COL26A1: variants seen among roughly 807,000 people sequenced by gnomAD.
COL26A1 encodes collagen alpha-1(XXVI) chain.
COL26A1 carries 41 observed loss-of-function variants against 59.3 expected under a neutral mutation model. The ratio of observed to expected loss-of-function variants is 0.69; its 90% CI spans 0.54 to 0.90. The LOEUF (loss-of-function observed/expected upper bound fraction) is 0.90. Ranked by LOEUF, COL26A1 falls within the 40% of genes least tolerant of loss-of-function variation. COL26A1 has a pLI of 0.00. For missense variants in COL26A1, 612 were observed against 602.3 expected, an observed-to-expected ratio of 1.02 and a Z score of -0.17; for synonymous variants, 266 against 256.0, an observed-to-expected ratio of 1.04 and a Z score of -0.37.
chr7:101,392,635 C>T (rs1791760687), intron 1 of COL26A1, among the ~76,000 whole-genome samples: 4 of 152,058 alleles, frequency 2.6e-5, no homozygotes, highest in Middle Eastern at 3.4e-3. Flanking sequence ...CTCCTGACCT[C>T]GAGTGATCCA....
intron 6 of COL26A1, among the ~76,000 whole-genome samples, chr7:101,545,127 T>G (rs776347922): frequency 2.6e-5 from 4 of 152,124 alleles, no homozygotes; most frequent in Non-Finnish European, 4.4e-5. Context: ...TGCCACTAAG[T>G]GTCCCCTCTG....
rs1795671443 is a variant in COL26A1 at position 101,543,979 on chromosome 7, T to G, written c.605-19T>G. ...GGGGGTCCACCATGTTCTGATGCCCTGTCTCCTTCTCTCCCCAGGGCCCCC... is the reference window on the plus strand; with the variant it reads ...GGGGGTCCACCATGTTCTGATGCCCGGTCTCCTTCTCTCCCCAGGGCCCCC... On this transcript the variant is annotated intron_variant, in intron 5 of 12. Coordinates refer to ENST00000313669, the MANE Select transcript of COL26A1 (RefSeq NM_001278563.3). 4 of 1,531,062 alleles carry G rather than the reference T, an allele frequency of 2.6e-6. No homozygotes were observed. In the Admixed American group the frequency reaches 7.9e-5, roughly 30 times the overall value. 94.8% of individuals were successfully genotyped at this position (1,531,062 alleles called of 1,614,324 possible).
chr7:101,532,792 A>T (rs1295605079), intron 3 of COL26A1, among the ~76,000 whole-genome samples: 1 of 152,178 alleles, frequency 6.6e-6, no homozygotes, highest in Non-Finnish European at 1.5e-5. Flanking sequence ...ACACAATAGA[A>T]AAAGACCCCT....
intron 3 of COL26A1, among the ~76,000 whole-genome samples, chr7:101,515,001 T>A (rs2130595087): frequency 6.6e-6 from 1 of 152,296 alleles, no homozygotes; most frequent in South Asian, 2.1e-4. Flanking sequence ...GGCCTGAACA[T>A]CCTCCCATCT....
chr7:101,392,277 G>T (rs1241540813), intron 1 of COL26A1, among the ~76,000 whole-genome samples: 1 of 152,014 alleles, frequency 6.6e-6, no homozygotes, highest in Admixed American at 6.6e-5. Context: ...AGTCTGGCCT[G>T]TTGGGGCAGT....
chr7:101,515,591 T>G (rs980893119), intron 3 of COL26A1, among the ~76,000 whole-genome samples: 1 of 147,492 alleles, frequency 6.8e-6, no homozygotes, highest in Non-Finnish European at 1.5e-5. Context: ...GCTCTTTTTT[T>G]TTTTTCTTTT....
intron 3 of COL26A1, among the ~76,000 whole-genome samples, chr7:101,519,937 G>A (rs1461302347): frequency 6.6e-6 from 1 of 152,094 alleles, no homozygotes; most frequent in Non-Finnish European, 1.5e-5. Flanking sequence ...TCCAGTCCAG[G>A]CAGGGCTACA....
At chr7:101,434,089 C>CCTCTCT (rs1362644903) in intron 2 of COL26A1, among the ~76,000 whole-genome samples, 30 of 94,298 alleles carry the variant, frequency 3.2e-4, no homozygotes, top group African/African-American at 1.6e-3. Flanking sequence ...TCCCTCCCTC[C>CCTCTCT]CTCTTTCTTT....
intron 3 of COL26A1, among the ~76,000 whole-genome samples, chr7:101,474,495 G>A (rs1355648692): frequency 1.3e-5 from 2 of 152,146 alleles, no homozygotes; most frequent in Non-Finnish European, 2.9e-5. Flanking sequence ...AGGGGGCTGA[G>A]GTGGGAGGAT....
At chr7:101,400,767 C>T (rs1259026399) in intron 1 of COL26A1, among the ~76,000 whole-genome samples, 2 of 152,092 alleles carry the variant, frequency 1.3e-5, no homozygotes, top group Non-Finnish European at 2.9e-5. Context: ...CCATGTTGGC[C>T]AGGCTGGTCT....
At chr7:101,510,338 C>T (rs928160656) in intron 3 of COL26A1, among the ~76,000 whole-genome samples, 1 of 151,290 alleles carries the variant, frequency 6.6e-6, no homozygotes, top group African/African-American at 2.4e-5. Flanking sequence ...TCAGAGGAGC[C>T]TTTTAAAGAT....
chr7:101,548,155 G>C (rs529798042), intron 8 of COL26A1, among the ~76,000 whole-genome samples: 159 of 152,280 alleles, frequency 1.0e-3, no homozygotes, highest in Non-Finnish European at 1.8e-3. Flanking sequence ...CAGGTCTCTG[G>C]AGAACTGGAC....
chr7:101,444,417 C>CTTT lies in COL26A1; in HGVS notation c.282-3254_282-3252dup, dbSNP rs71517174. 3.5e-3 allele frequency among the ~76,000 whole-genome samples: 476 copies of CTTT among 137,764 alleles called. 4 individuals are homozygous for CTTT. Among genetic ancestry groups the CTTT allele is most frequent in the African/African-American group, 0.011 (426 of 37,752 alleles). The allele number at this position is 137,764 out of a possible 152,430, so 90.4% of individuals were successfully genotyped here. A position where few individuals can be genotyped will look rare whatever the true frequency, so the allele number is the denominator to read the frequency against. ...CCTTCCTTTCCTTCCTTCCTTTCTTCTTTTTTTTTTTTTTTGAGACAGAGT... is the reference window on the plus strand; with the variant it reads ...CCTTCCTTTCCTTCCTTCCTTTCTTCTTTTTTTTTTTTTTTTTTGAGACAGAGT... On this transcript the variant is annotated intron_variant, in intron 2 of 12. Transcript: ENST00000313669.
At chr7:101,436,684 T>A (rs760104850) in intron 2 of COL26A1, among the ~76,000 whole-genome samples, 21 of 151,508 alleles carry the variant, frequency 1.4e-4, no homozygotes, top group Non-Finnish European at 8.8e-5. Flanking sequence ...GATGGGGACC[T>A]CATTTCTCCG....
chr7:101,553,734 C>A (rs778163242), intron 11 of COL26A1, among the ~76,000 whole-genome samples: 1 of 152,064 alleles, frequency 6.6e-6, no homozygotes, highest in Non-Finnish European at 1.5e-5. Context: ...CGGGTTCTCC[C>A]GTGAATGGCG....
chr7:101,382,155 C>A (rs960952807), intron 1 of COL26A1, among the ~76,000 whole-genome samples: 28 of 152,242 alleles, frequency 1.8e-4, no homozygotes, highest in African/African-American at 6.5e-4. Context: ...CTCAAGCAAT[C>A]CTCCTGCCTC....
rs550493881 is a variant in COL26A1 at position 101,486,432 on chromosome 7, G to C, written c.385+38645G>C. On this transcript the variant is annotated intron_variant, in intron 3 of 12. Coordinates refer to ENST00000313669, the MANE Select transcript of COL26A1 (RefSeq NM_001278563.3). ...CCTCAGCAGAGACATTGAGGACAGT[G>C]GGGGCTCCAGGTCAGACTTGCACAG... Among the ~76,000 whole-genome samples, 3 of 152,340 alleles carry C rather than the reference G, an allele frequency of 2.0e-5. No individual in the cohort carries two copies. The East Asian group carries it at 5.8e-4, about 29-fold the overall frequency.
intron 11 of COL26A1, 59 bp from the exon 12 acceptor site, chr7:101,555,728 G>A (rs1795959049): frequency 3.8e-6 from 5 of 1,321,610 alleles, no homozygotes; most frequent in Non-Finnish European, 4.2e-6. Flanking sequence ...ACTGTATCAG[G>A]ATGGCCCTGA....
At chr7:101,397,691 C>T (rs915639010) in intron 1 of COL26A1, among the ~76,000 whole-genome samples, 2 of 151,894 alleles carry the variant, frequency 1.3e-5, no homozygotes, top group East Asian at 1.9e-4. Context: ...CACACACCAC[C>T]GTGCCTGGAT....
Sources: allele counts gnomAD v4.1 joint callset (sites outside exome capture counted in the v4.1 genomes callset), GRCh38; gene constraint gnomAD v4.1.1; transcripts MANE v1.5; gene names NCBI Gene and HGNC (gene_info 2026-07-23, HGNC 2026-07-21).